The following TSHR variants were observed in gnomAD, a reference collection of about 807,000 sequenced individuals.
TSHR encodes thyroid stimulating hormone receptor.
Under a neutral mutation model 64.1 loss-of-function variants are expected in TSHR, and 51 were observed. The ratio of observed to expected loss-of-function variants is 0.80; its 90% CI spans 0.64 to 1.01. The LOEUF is 1.01. Ranked by LOEUF, TSHR falls within the 50% of genes least tolerant of loss-of-function variation. The probability of loss-of-function intolerance (pLI) is 0.00; values close to 1 mark genes in which losing one functional copy is unlikely to be tolerated. For synonymous variants in TSHR, 361 were observed against 361.9 expected, an observed-to-expected ratio of 1.00 and a Z score of 0.03; for missense variants, 877 against 942.8, an observed-to-expected ratio of 0.93 and a Z score of 0.91.
At chr14:81,032,949 G>T (rs1884424651) in intron 1 of TSHR, 2 of 360,752 alleles carry the variant, frequency 5.5e-6, no homozygotes, top group Non-Finnish European at 1.1e-5. Context: ...CTAGTCAAAA[G>T]AGATCCCTAG....
chr14:81,028,591 T>C (rs565680893), intron 1 of TSHR, among the ~76,000 whole-genome samples: 1 of 152,108 alleles, frequency 6.6e-6, no homozygotes, highest in African/African-American at 2.4e-5. Flanking sequence ...GTTCCTCTAA[T>C]TGGATTACGG....
At chr14:81,028,642 CAAATGGAAA>C (rs1884196289) in intron 1 of TSHR, among the ~76,000 whole-genome samples, 1 of 151,980 alleles carries the variant, frequency 6.6e-6, no homozygotes, top group South Asian at 2.1e-4. Context: ...CTGCCATGAG[CAAATGGAAA>C]TCCTACCAGG....
chr14:81,019,457 C>CTTTTTTTTTTTTTTTTTTTTTTTTTT (rs1166193901), intron 1 of TSHR, among the ~76,000 whole-genome samples: 1 of 118,388 alleles, frequency 8.4e-6, no homozygotes. Context: ...ATCATCAATT[C>CTTTTTTTTTTTTTTTTTTTTTTTTTT]TTTTTTTTTT....
chr14:81,015,492 T>G (rs1466004354), intron 1 of TSHR, among the ~76,000 whole-genome samples: 1 of 152,166 alleles, frequency 6.6e-6, no homozygotes, highest in Non-Finnish European at 1.5e-5. Flanking sequence ...TTCAAAAAAT[T>G]TTTAATTTTT....
chr14:81,069,449 A>G (rs1403736586), intron 3 of TSHR, among the ~76,000 whole-genome samples: 6 of 152,232 alleles, frequency 3.9e-5, no homozygotes, highest in Non-Finnish European at 8.8e-5. Context: ...TTTTAAAAAA[A>G]TGTTTGAAAG....
In TSHR at chr14:80,955,837, A is replaced by C. The variant is rs886050853; in HGVS notation, c.157A>C (p.Ser53Arg). ...DIQRIPSLPP[S>R]TQTLKLIETH... Reference sequence around the variant, plus strand: ...TCAACGCATCCCCAGCTTACCGCCCAGTACGCAGACTCTGTGAGTACCCGG... The same window carrying C: ...TCAACGCATCCCCAGCTTACCGCCCCGTACGCAGACTCTGTGAGTACCCGG... Residue 53 changes from serine to arginine, a missense_variant, in exon 1 of 10, where the codon AGT becomes CGT. Physicochemically the swap from Ser to Arg is moderately radical, Grantham distance 110. Coordinates refer to ENST00000298171, the MANE Select transcript of TSHR (RefSeq NM_000369.5). 12 of 1,614,104 alleles carry C rather than the reference A, an allele frequency of 7.4e-6. No individual in the cohort carries two copies. The highest frequency in any genetic ancestry group is 9.3e-6 in the Non-Finnish European group (11 of 1,180,042).
In TSHR at chr14:81,062,210, T is replaced by A; in HGVS notation, c.233T>A (p.Ile78Asn). 6.2e-7 allele frequency: 1 copy of A among 1,610,870 alleles called. No homozygotes were observed. The highest frequency in any genetic ancestry group is 8.5e-7 in the Non-Finnish European group (1 of 1,178,126). Reference sequence around the variant, plus strand: ...CATGCATTTTCTAATCTGCCCAATATTTCCAGAATGTAAGTTTTTTTAATA... The same window carrying A: ...CATGCATTTTCTAATCTGCCCAATAATTCCAGAATGTAAGTTTTTTTAATA... ...PSHAFSNLPN[I>N]SRIYVSIDVT... Residue 78 changes from isoleucine (I) to asparagine (N), a missense_variant, in exon 2 of 10, where the codon ATT (isoleucine) becomes AAT (asparagine). By Grantham distance (149) the Ile-to-Asn change is moderately radical (BLOSUM62 -3). Transcript: ENST00000298171.
intron 3 of TSHR, among the ~76,000 whole-genome samples, chr14:81,082,815 C>T (rs1319706370): frequency 2.6e-5 from 4 of 152,142 alleles, no homozygotes; most frequent in Admixed American, 2.6e-4. Flanking sequence ...TCATCCCCAT[C>T]TAATTTTGCA....
intron 1 of TSHR, among the ~76,000 whole-genome samples, chr14:81,045,424 T>C (rs1885127533): frequency 6.6e-6 from 1 of 152,226 alleles, no homozygotes; most frequent in Admixed American, 6.5e-5. Flanking sequence ...GGGATACACG[T>C]GTAGAACGTG....
rs578042876 is a variant in TSHR, at chr14:80,961,837, G to A, written c.170+5987G>A. ...TTTATCATTTAATATTTTAATAACT[G>A]ATTTCCCATATAGTTTAATCAAATA... On this transcript the variant is annotated intron_variant, in intron 1 of 9. Transcript: ENST00000298171. Among the ~76,000 whole-genome samples, 16 of 152,228 alleles carry A rather than the reference G, an allele frequency of 1.1e-4. No individual in the cohort carries two copies. The South Asian group carries it at 3.3e-3, about 32-fold the overall frequency.
intron 1 of TSHR, among the ~76,000 whole-genome samples, chr14:81,000,431 T>C (rs920400671): frequency 1.3e-5 from 2 of 152,152 alleles, no homozygotes; most frequent in African/African-American, 2.4e-5. Flanking sequence ...CTCTATCCAA[T>C]TGAGTTAAGG....
At chr14:81,133,380 G>A (rs1891329208) in intron 8 of TSHR, among the ~76,000 whole-genome samples, 1 of 152,216 alleles carries the variant, frequency 6.6e-6, no homozygotes, top group South Asian at 2.1e-4. Flanking sequence ...AGGGAGCGTA[G>A]TCAGAGACTG....
At chr14:81,092,975 T>G (rs1203594556) in intron 6 of TSHR, among the ~76,000 whole-genome samples, 1 of 152,190 alleles carries the variant, frequency 6.6e-6, no homozygotes, top group Non-Finnish European at 1.5e-5. Flanking sequence ...CAATAAAACT[T>G]TATTTATAGA....
chr14:80,984,392 A>G (rs1888332845), intron 1 of TSHR, among the ~76,000 whole-genome samples: 1 of 152,212 alleles, frequency 6.6e-6, no homozygotes, highest in Non-Finnish European at 1.5e-5. Context: ...AGTTGGCACC[A>G]TATTTTGCAA....
chr14:80,962,115 A>T (rs965633142), intron 1 of TSHR, among the ~76,000 whole-genome samples: 15 of 152,192 alleles, frequency 9.9e-5, no homozygotes, highest in African/African-American at 3.4e-4. Flanking sequence ...TTCTCCATCT[A>T]TAAAAAAAGA....
intron 1 of TSHR, among the ~76,000 whole-genome samples, chr14:80,996,575 G>A (rs913361364): frequency 1.6e-5 from 2 of 126,374 alleles, no homozygotes; most frequent in African/African-American, 5.7e-5. Flanking sequence ...AAGAACTCCC[G>A]CACATTGAGA....
chr14:81,051,186 G>C (rs920183813), intron 1 of TSHR: 1 of 152,212 alleles, frequency 6.6e-6, no homozygotes, highest in African/African-American at 2.4e-5. Context: ...CACTTTCTTT[G>C]CTCATTCATA....
chr14:80,956,064 A>G (rs1886659931), intron 1 of TSHR: 3 of 627,304 alleles, frequency 4.8e-6, no homozygotes, highest in Non-Finnish European at 8.5e-6. Context: ...CTCATTCCCA[A>G]CACAGGAAAA....
intron 8 of TSHR, among the ~76,000 whole-genome samples, chr14:81,131,564 G>A (rs1020211631): frequency 6.6e-6 from 1 of 152,176 alleles, no homozygotes; most frequent in African/African-American, 2.4e-5. Context: ...CTCAGCACCA[G>A]CAACACTGGC....
Sources: gnomAD v4.1 joint callset for allele counts (sites outside exome capture counted in the v4.1 genomes callset) on GRCh38, gnomAD v4.1.1 for gene constraint, MANE v1.5 for transcripts, NCBI Gene and HGNC (gene_info 2026-07-23, HGNC 2026-07-21) for gene names.